Variants in HERPUD2 observed in about 807,000 individuals in gnomAD.
HERPUD2 encodes the protein HERPUD family member 2.
HERPUD2 carries 13 observed loss-of-function variants against 49.9 expected under a neutral mutation model. That is an observed-to-expected ratio of 0.26 (90% CI 0.17 to 0.41). The LOEUF (loss-of-function observed/expected upper bound fraction) is 0.41. Ranked by LOEUF, HERPUD2 falls within the 10% of genes least tolerant of loss-of-function variation. The pLI is 1.00. For synonymous variants in HERPUD2, 172 were observed against 171.4 expected, an observed-to-expected ratio of 1.00 and a Z score of -0.03; for missense variants, 449 against 492.2, an observed-to-expected ratio of 0.91 and a Z score of 0.83.
At chr7:35,657,588 A>G (rs1348488900) in intron 5 of HERPUD2, among the ~76,000 whole-genome samples, 3 of 135,082 alleles carry the variant, frequency 2.2e-5, no homozygotes, top group African/African-American at 5.8e-5. Context: ...TGGGCAACAG[A>G]GCAAGACCTT....
chr7:35,688,145 G>C (rs1786104525), intron 2 of HERPUD2, among the ~76,000 whole-genome samples: 1 of 152,132 alleles, frequency 6.6e-6, no homozygotes, highest in South Asian at 2.1e-4. Context: ...TTAAAGAGCT[G>C]GGTCCCAGGA....
In HERPUD2 at chr7:35,694,413, G is replaced by C. The variant is rs1786269229; in HGVS notation, c.-83C>G. On this transcript the variant is annotated 5_prime_UTR_variant, in exon 2 of 9. In the 5' UTR this introduces an upstream ATG that the reference lacks. Transcript: ENST00000311350. ...AGATGGTCACCGCCGGCGCGACTGGGATGAGGACAGAAGTGAGTTCTTAGT... is the reference window on the plus strand; with the variant it reads ...AGATGGTCACCGCCGGCGCGACTGGCATGAGGACAGAAGTGAGTTCTTAGT... The C allele has an allele frequency of 1.4e-6, 2 of 1,409,236 alleles. No individual in the cohort carries two copies. Among genetic ancestry groups the C allele is most frequent in the South Asian group, 2.3e-5 (2 of 85,698 alleles). 87.3% of individuals were successfully genotyped at this position (1,409,236 alleles called of 1,614,324 possible).
At position 35,660,365 on chromosome 7, in the gene HERPUD2, T is replaced by C. The variant is rs554726619; in HGVS notation, c.494+7069A>G. On this transcript the variant is annotated intron_variant, in intron 5 of 8. Transcript: ENST00000311350. ...GTGTGCATATGTCTTTATACCAGCA[T>C]GATTTATAATCATTTGGGTATATGC... 1.8e-4 allele frequency among the ~76,000 whole-genome samples: 28 copies of C among 152,376 alleles called. 1 individual carries two copies. Among genetic ancestry groups the C allele is most frequent in the African/African-American group, 6.5e-4 (27 of 41,592 alleles).
At chr7:35,672,029 T>C (rs1304550469) in intron 3 of HERPUD2, among the ~76,000 whole-genome samples, 4 of 151,988 alleles carry the variant, frequency 2.6e-5, no homozygotes, top group South Asian at 2.1e-4. Context: ...CATGTCATTA[T>C]ATATTTGCCA....
intron 5 of HERPUD2, among the ~76,000 whole-genome samples, chr7:35,649,642 G>A (rs1785123056): frequency 6.6e-6 from 1 of 152,072 alleles, no homozygotes. Context: ...TCAAAGCAGG[G>A]GCTTCCAGGT....
intron 5 of HERPUD2, among the ~76,000 whole-genome samples, chr7:35,645,370 C>A (rs1283520524): frequency 3.9e-5 from 6 of 152,134 alleles, no homozygotes; most frequent in African/African-American, 1.4e-4. Context: ...CTGCTTGAGC[C>A]CAGGAGTTCA....
In HERPUD2 at chr7:35,694,215, G is replaced by A. The variant is rs1330653693; in HGVS notation, c.116C>T (p.Thr39Met). Residue 39 changes from threonine to methionine, a missense_variant, in exon 2 of 9, where the codon ACG (threonine) becomes ATG (methionine). By Grantham distance (81) the Thr-to-Met change is moderately conservative (BLOSUM62 -1). Transcript: ENST00000311350. ...GCTAGGGTAAACGTTAGATAGATGC[G>A]TTTTTAGTTTCCCCACGGTCCAGTT... is the stretch of plus-strand genomic sequence containing the variant. The part of the protein sequence containing the change: ...FLNWTVGKLK[T>M]HLSNVYPSKP... 3.7e-6 allele frequency: 6 copies of A among 1,614,076 alleles called. No individual in the cohort carries two copies. In the East Asian group the frequency reaches 1.1e-4, roughly 30 times the overall value.
chr7:35,671,139 C>A (rs1785635498), intron 3 of HERPUD2, among the ~76,000 whole-genome samples: 1 of 152,018 alleles, frequency 6.6e-6, no homozygotes, highest in Non-Finnish European at 1.5e-5. Flanking sequence ...AACAAAGCTA[C>A]TAGAAACTAT....
intron 5 of HERPUD2, among the ~76,000 whole-genome samples, chr7:35,661,512 A>G (rs1263355085): frequency 1.3e-5 from 2 of 152,104 alleles, no homozygotes; most frequent in Admixed American, 1.3e-4. Context: ...ATGAGCATGG[A>G]ATGTTCTTCC....
At chr7:35,686,030 A>G (rs1192788452) in intron 2 of HERPUD2, among the ~76,000 whole-genome samples, 2 of 152,188 alleles carry the variant, frequency 1.3e-5, no homozygotes, top group African/African-American at 4.8e-5. Flanking sequence ...ACCTAATAAC[A>G]AATGACAATA....
chr7:35,682,825 C>CA (rs34729704), intron 2 of HERPUD2, among the ~76,000 whole-genome samples: 48,180 of 128,990 alleles, frequency 0.37, 8,284 homozygotes, highest in Middle Eastern at 0.43. Context: ...ACAACAGCTG[C>CA]AAAAAAAAAA....
intron 2 of HERPUD2, among the ~76,000 whole-genome samples, chr7:35,675,842 G>C (rs552156889): frequency 3.7e-4 from 57 of 152,158 alleles, no homozygotes; most frequent in Admixed American, 7.2e-4. Context: ...GTGCGATCAT[G>C]GTACACACTG....
rs1562682656 is a variant in HERPUD2 at position 35,674,378 on chromosome 7, C to CATATATATATATATATATAT, written c.148-1101_148-1100insATATATATATATATATATAT. On this transcript the variant is annotated intron_variant, in intron 2 of 8. Coordinates refer to ENST00000311350, the MANE Select transcript of HERPUD2 (RefSeq NM_022373.5). ...GGTTTTAAAATCATAAGTCTTACAA[C>CATATATATATATATATATAT]CTATATATATATATATATATATATA... Among the ~76,000 whole-genome samples the CATATATATATATATATATAT allele has an allele frequency of 1.3e-3, 45 of 34,922 alleles. 6 individuals are homozygous for CATATATATATATATATATAT. The highest frequency in any genetic ancestry group is 2.0e-3 in the Non-Finnish European group (37 of 18,306). The allele number at this position is 34,922 out of a possible 152,430, so 22.9% of individuals were successfully genotyped here.
chr7:35,664,635 T>G (rs536214366), intron 5 of HERPUD2, among the ~76,000 whole-genome samples: 14 of 152,342 alleles, frequency 9.2e-5, no homozygotes, highest in Non-Finnish European at 1.8e-4. Flanking sequence ...TTCATTTCAT[T>G]CATTTGATCT....
chr7:35,673,792 G>C (rs966348511), intron 2 of HERPUD2, among the ~76,000 whole-genome samples: 1 of 152,020 alleles, frequency 6.6e-6, no homozygotes, highest in Non-Finnish European at 1.5e-5. Flanking sequence ...TAATTCAAGA[G>C]CCATTTAGAT....
At chr7:35,687,342 A>G (rs1235564674) in intron 2 of HERPUD2, among the ~76,000 whole-genome samples, 1 of 152,122 alleles carries the variant, frequency 6.6e-6, no homozygotes, top group African/African-American at 2.4e-5. Flanking sequence ...CACCACCACT[A>G]TTCTTCCTGG....
intron 5 of HERPUD2, among the ~76,000 whole-genome samples, chr7:35,663,144 G>A (rs1193624856): frequency 6.6e-6 from 1 of 152,198 alleles, no homozygotes; most frequent in Non-Finnish European, 1.5e-5. Context: ...AGTCATTCAG[G>A]AGCAGGTTGT....
intron 5 of HERPUD2, among the ~76,000 whole-genome samples, chr7:35,645,955 C>T (rs1009921242): frequency 1.3e-5 from 2 of 152,104 alleles, no homozygotes; most frequent in African/African-American, 4.8e-5. Flanking sequence ...ACATGTATTA[C>T]CTCTTAGAAA....
At chr7:35,693,879 G>A (rs1395930025) in intron 2 of HERPUD2, among the ~76,000 whole-genome samples, 2 of 152,058 alleles carry the variant, frequency 1.3e-5, no homozygotes, top group African/African-American at 2.4e-5. Flanking sequence ...CTCGTGATCC[G>A]CCCGCCTTGG....
Sources: allele counts gnomAD v4.1 joint callset (sites outside exome capture counted in the v4.1 genomes callset), GRCh38; gene constraint gnomAD v4.1.1; transcripts MANE v1.5; gene names NCBI Gene and HGNC (gene_info 2026-07-23, HGNC 2026-07-21).